IKZF2: variants seen among roughly 807,000 people sequenced by gnomAD.
IKZF2 encodes IKAROS family zinc finger 2, also known as zinc finger protein Helios.
A neutral mutation model predicts 49.2 loss-of-function variants in IKZF2; 15 were observed. The ratio of observed to expected loss-of-function variants is 0.30; its 90% CI spans 0.20 to 0.47. The LOEUF is 0.47. Ranked by LOEUF, IKZF2 falls within the 20% of genes least tolerant of loss-of-function variation. The pLI, the probability that IKZF2 is intolerant of heterozygous loss-of-function variation, is 1.00. For synonymous variants in IKZF2, 227 were observed against 221.4 expected (o/e 1.03, Z -0.23); for missense variants, 567 against 664.6 (o/e 0.85, Z 1.61).
Position 213,005,809 on chromosome 2 carries a change from C to G in IKZF2, c.*1551G>C, listed in dbSNP as rs140315047. Reference sequence around the variant, plus strand: ...GCTGGACTGCAAAGAAAAAACAGAGCGCCCACATAAATGAAATTAAAATCT... The same window carrying G: ...GCTGGACTGCAAAGAAAAAACAGAGGGCCCACATAAATGAAATTAAAATCT... On this transcript the variant is annotated 3_prime_UTR_variant, in exon 9 of 9. Coordinates refer to ENST00000434687, the MANE Select transcript of IKZF2 (RefSeq NM_001387220.1). 4 of 151,904 alleles carry G rather than the reference C, an allele frequency of 2.6e-5. No individual in the cohort carries two copies. The highest frequency in any genetic ancestry group is 5.9e-5 in the Non-Finnish European group (4 of 67,966). The allele number at this position is 151,904 out of a possible 1,614,324, so 9.4% of individuals were successfully genotyped here.
chr2:213,126,504 G>A (rs1355231534), intron 4 of IKZF2, among the ~76,000 whole-genome samples: 1 of 152,054 alleles, frequency 6.6e-6, no homozygotes, highest in Non-Finnish European at 1.5e-5. Flanking sequence ...CTACTTTCCT[G>A]ACCATATAGA....
At chr2:213,138,717 T>C (rs2060765046) in intron 4 of IKZF2, among the ~76,000 whole-genome samples, 1 of 152,062 alleles carries the variant, frequency 6.6e-6, no homozygotes, top group African/African-American at 2.4e-5. Flanking sequence ...TTTGAAAAGT[T>C]ACTTAATTCA....
intron 4 of IKZF2, among the ~76,000 whole-genome samples, chr2:213,096,964 ATTGG>A (rs1440640711): frequency 6.6e-6 from 1 of 151,970 alleles, no homozygotes; most frequent in African/African-American, 2.4e-5. Flanking sequence ...TATTTCATTG[ATTGG>A]AAATAAATTT....
chr2:213,089,806 C>T (rs1163003466), intron 4 of IKZF2, among the ~76,000 whole-genome samples: 1 of 152,158 alleles, frequency 6.6e-6, no homozygotes, highest in Non-Finnish European at 1.5e-5. Flanking sequence ...AGCCTAGCAT[C>T]TGTTCTTCAT....
rs200812954 is a variant in IKZF2 at position 213,101,563 on chromosome 2, T to A, written c.140-44464A>T. Among the ~76,000 whole-genome samples the A allele has an allele frequency of 6.1e-3, 872 of 143,152 alleles. 11 individuals carry two copies. Among genetic ancestry groups the A allele is most frequent in the African/African-American group, 0.022 (839 of 38,058 alleles). 93.9% of individuals were successfully genotyped at this position (143,152 alleles called of 152,430 possible). A position where few individuals can be genotyped will look rare whatever the true frequency, so the allele number is the denominator to read the frequency against. Reference sequence around the variant, plus strand: ...TAATTCTGAGATTACAAAAAAAAAATTAGTTCAAATGAAGGAAATCCTTAC... The same window carrying A: ...TAATTCTGAGATTACAAAAAAAAAAATAGTTCAAATGAAGGAAATCCTTAC... On this transcript the variant is annotated intron_variant, in intron 4 of 8. Coordinates refer to ENST00000434687, the MANE Select transcript of IKZF2 (RefSeq NM_001387220.1).
rs192529068 is a variant in IKZF2 at position 213,108,574 on chromosome 2, C to T, written c.139+39134G>A. ...GTTACTTTACCAAAATAAACCCCTC[C>T]TCAATAGGAAAACGGTCCAAGAGTG... On this transcript the variant is annotated intron_variant, in intron 4 of 8. Transcript: ENST00000434687. Among the ~76,000 whole-genome samples, 257 of 152,182 alleles carry T rather than the reference C, an allele frequency of 1.7e-3. 1 individual carries two copies. The highest frequency in any genetic ancestry group is 0.014 in the South Asian group (70 of 4,828).
chr2:213,114,110 G>A (rs1304508506), intron 4 of IKZF2, among the ~76,000 whole-genome samples: 1 of 152,040 alleles, frequency 6.6e-6, no homozygotes, highest in East Asian at 1.9e-4. Flanking sequence ...CTGACTGAAA[G>A]TTTTCAATAT....
At chr2:213,026,582 ATC>A (rs1378780178) in intron 6 of IKZF2, among the ~76,000 whole-genome samples, 11 of 152,166 alleles carry the variant, frequency 7.2e-5, no homozygotes, top group Admixed American at 5.2e-4. Context: ...TTTTTCTTAA[ATC>A]TCTTTCTAAT....
intron 5 of IKZF2, among the ~76,000 whole-genome samples, chr2:213,053,606 G>A (rs1482342785): frequency 3.3e-5 from 5 of 152,210 alleles, no homozygotes; most frequent in South Asian, 2.1e-4. Flanking sequence ...TACAAAATAC[G>A]GTGCTGAAAA....
At chr2:213,065,208 G>T (rs1481673629) in intron 4 of IKZF2, among the ~76,000 whole-genome samples, 1 of 151,968 alleles carries the variant, frequency 6.6e-6, no homozygotes, top group Admixed American at 6.6e-5. Context: ...ATCATTAAAG[G>T]ATCACTTATC....
intron 4 of IKZF2, among the ~76,000 whole-genome samples, chr2:213,108,605 A>G (rs1249475348): frequency 2.0e-5 from 3 of 152,168 alleles, no homozygotes; most frequent in Non-Finnish European, 4.4e-5. Context: ...GAGTGCTTCC[A>G]GGTGCCAACT....
At chr2:213,124,656 G>A (rs2060198916) in intron 4 of IKZF2, among the ~76,000 whole-genome samples, 1 of 152,210 alleles carries the variant, frequency 6.6e-6, no homozygotes, top group African/African-American at 2.4e-5. Flanking sequence ...AGAAAGTACA[G>A]GGTGAGTCTA....
intron 4 of IKZF2, among the ~76,000 whole-genome samples, chr2:213,128,970 C>T (rs953289430): frequency 2.4e-4 from 37 of 151,650 alleles, no homozygotes; most frequent in African/African-American, 8.7e-4. Context: ...GTTTTTTAAT[C>T]GTTGTTGTAC....
chr2:213,093,788 T>C (rs1419637636), intron 4 of IKZF2, among the ~76,000 whole-genome samples: 4 of 152,184 alleles, frequency 2.6e-5, no homozygotes, highest in Non-Finnish European at 4.4e-5. Context: ...GAAATCTTCA[T>C]TGTACATCGC....
At chr2:213,029,715 T>A (rs1325688576) in intron 6 of IKZF2, among the ~76,000 whole-genome samples, 1 of 152,084 alleles carries the variant, frequency 6.6e-6, no homozygotes, top group Non-Finnish European at 1.5e-5. Flanking sequence ...TTATATATTA[T>A]AATTTTCCCA....
chr2:213,009,901 A>G (rs1314369513), intron 8 of IKZF2, among the ~76,000 whole-genome samples: 1 of 152,136 alleles, frequency 6.6e-6, no homozygotes, highest in African/African-American at 2.4e-5. Flanking sequence ...GGCATCACTT[A>G]TAAAGGAGGA....
chr2:213,007,421 C>T lies in IKZF2; in HGVS notation c.1520G>A (p.Arg507Lys). 2 of 1,613,546 alleles carry T rather than the reference C, an allele frequency of 1.2e-6. No individual in the cohort carries two copies. The highest frequency in any genetic ancestry group is 1.7e-6 in the Non-Finnish European group (2 of 1,179,652). The change falls in exon 9 of 9, where the codon AGA (arginine) becomes AAA (lysine). Residue 507 changes from arginine to lysine, a missense_variant. Arg to Lys is a conservative substitution (Grantham distance 26, BLOSUM62 2). This residue lies in a region of IKZF2 where 25 missense variants were observed against 27.0 expected (regional missense o/e 0.93). Coordinates refer to ENST00000434687, the MANE Select transcript of IKZF2 (RefSeq NM_001387220.1). Reference protein sequence around the residue: ...DPLECNICGYRSQDRYEFSSH... With the variant: ...DPLECNICGYKSQDRYEFSSH... ...TGAAAACTCATAACGGTCCTGGCTT[C>T]TGTAGCCACAGATGTTGCATTCCAG...
intron 4 of IKZF2, among the ~76,000 whole-genome samples, chr2:213,124,240 T>TCGCGCG (rs143337769): frequency 1.1e-3 from 136 of 118,374 alleles, no homozygotes; most frequent in African/African-American, 3.7e-3. Context: ...ACACATGCGC[T>TCGCGCG]CGCGCGCGCG....
intron 7 of IKZF2, chr2:213,016,989 G>A (rs1696679697): frequency 6.6e-6 from 1 of 151,980 alleles, no homozygotes; most frequent in South Asian, 2.1e-4. Context: ...ATGTCAGGCA[G>A]GCAAAAACAA....
Sources: allele counts gnomAD v4.1 joint callset (sites outside exome capture counted in the v4.1 genomes callset), GRCh38; gene constraint gnomAD v4.1.1; regional missense constraint gnomAD v4.1.1; transcripts MANE v1.5; gene names NCBI Gene and HGNC (gene_info 2026-07-23, HGNC 2026-07-21).